NLRP1: variants seen among roughly 807,000 people sequenced by gnomAD.
NLRP1 encodes NLR family pyrin domain containing 1, also known as NACHT, LRR and PYD domains-containing protein 1.
A neutral mutation model predicts 136.7 loss-of-function variants in NLRP1; 94 were observed. The ratio of observed to expected loss-of-function variants is 0.69; its 90% CI spans 0.58 to 0.82. The LOEUF is 0.82. NLRP1 is among the 40% of genes least tolerant of loss of function. The pLI is 0.00. For synonymous variants in NLRP1, 690 were observed against 725.1 expected, an observed-to-expected ratio of 0.95 and a Z score of 0.78; for missense variants, 1,575 against 1,802.7, an observed-to-expected ratio of 0.87 and a Z score of 2.29.
Position 5,559,294 on chromosome 17 carries a change from G to T in NLRP1, c.1402C>A (p.Pro468Thr), listed in dbSNP as rs1189615339. 2 of 1,614,086 alleles carry T rather than the reference G, an allele frequency of 1.2e-6. No homozygotes were observed. Among genetic ancestry groups the T allele is most frequent in the Admixed American group, 1.7e-5 (1 of 60,012 alleles). Residue 468 changes from proline to threonine, a missense_variant, in exon 4 of 17, where the codon CCT becomes ACT. Pro to Thr is a conservative substitution (Grantham distance 38). Coordinates refer to ENST00000572272, the MANE Select transcript of NLRP1 (RefSeq NM_033004.4). ...ARTTALQNLI[P>T]SLEQARWVEV... Reference sequence around the variant, plus strand: ...ACCCAACGTGCCTGCTCCAAAGAAGGAATGAGGTTCTGCAGAGCTGTGGTC... The same window carrying T: ...ACCCAACGTGCCTGCTCCAAAGAAGTAATGAGGTTCTGCAGAGCTGTGGTC...
At chr17:5,546,622 A>G (rs1035089012) in intron 5 of NLRP1, among the ~76,000 whole-genome samples, 1 of 152,226 alleles carries the variant, frequency 6.6e-6, no homozygotes, top group African/African-American at 2.4e-5. Context: ...GCATTTCAAG[A>G]TAAATCCAAA....
At chr17:5,515,645 G>A (rs999995991) in intron 15 of NLRP1, 128 bp from the exon 16 acceptor site, 2 of 758,990 alleles carry the variant, frequency 2.6e-6, no homozygotes, top group Admixed American at 4.1e-5. Context: ...ACAAATTCTG[G>A]TAGAATCTGG....
chr17:5,511,819 CCTCT>C (rs1907656630), downstream of NLRP1, among the ~76,000 whole-genome samples: 1 of 149,418 alleles, frequency 6.7e-6, no homozygotes, highest in Non-Finnish European at 1.5e-5. Flanking sequence ...TTCCTTCCTT[CCTCT>C]TTTTCTTCAT....
chr17:5,542,100 T>C (rs1597432627), intron 5 of NLRP1, 73 bp from the exon 6 acceptor site: 2 of 1,457,368 alleles, frequency 1.4e-6, no homozygotes, highest in Non-Finnish European at 9.4e-7. Flanking sequence ...AAGCAACCAT[T>C]AATCACCTAC....
intron 15 of NLRP1, chr17:5,501,992 T>C: frequency 1.2e-6 from 1 of 865,278 alleles, no homozygotes. Flanking sequence ...GAGAACTCCC[T>C]GCCTCCTGCA....
At chr17:5,502,190 T>C in intron 15 of NLRP1, 1 of 285,016 alleles carries the variant, frequency 3.5e-6, no homozygotes, top group Non-Finnish European at 7.0e-6. Flanking sequence ...ACTCTGGTTC[T>C]CACAGCTTAA....
chr17:5,548,302 T>A (rs959437993), intron 5 of NLRP1, among the ~76,000 whole-genome samples: 4 of 152,188 alleles, frequency 2.6e-5, no homozygotes, highest in Non-Finnish European at 4.4e-5. Context: ...AAACCTATGT[T>A]CCTACCTCTC....
exon 16 of NLRP1, chr17:5,501,545 A>T (rs1907084540): frequency 2.7e-6 from 1 of 364,956 alleles, no homozygotes; most frequent in East Asian, 5.0e-5. Flanking sequence ...ACAGCTCAAG[A>T]ATTGGTGCAT....
intron 15 of NLRP1, among the ~76,000 whole-genome samples, chr17:5,508,718 G>T (rs138423187): frequency 3.2e-3 from 490 of 152,284 alleles, no homozygotes; most frequent in Non-Finnish European, 5.3e-3. Flanking sequence ...TAGCTTGAGG[G>T]ATGCTTGTGA....
rs991798520 is a variant in NLRP1, at chr17:5,514,166, A to G, written c.*588T>C. On this transcript the variant is annotated 3_prime_UTR_variant, in exon 17 of 17. Transcript: ENST00000572272. ...TTTATTTTCATTTTTTCTTTTTTGTATTTTTTTAATTCTTAAATTTAAGTA... is the reference window on the plus strand; with the variant it reads ...TTTATTTTCATTTTTTCTTTTTTGTGTTTTTTTAATTCTTAAATTTAAGTA... 1.3e-5 allele frequency: 2 copies of G among 153,244 alleles called. No homozygotes were observed. Among genetic ancestry groups the G allele is most frequent in the African/African-American group, 4.8e-5 (2 of 41,394 alleles). 9.5% of individuals were successfully genotyped at this position (153,244 alleles called of 1,614,324 possible).
Position 5,582,657 on chromosome 17 carries a change from C to T in NLRP1, c.448+13G>A. The T allele has an allele frequency of 6.2e-7, 1 of 1,613,568 alleles. No individual in the cohort carries two copies. Among genetic ancestry groups the T allele is most frequent in the Non-Finnish European group, 8.5e-7 (1 of 1,179,762 alleles). On this transcript the variant is annotated intron_variant, in intron 2 of 16. Transcript: ENST00000572272. ...TCCACCCAGGGCTGTCAGCCTGCCT[C>T]AGCAAGCCTCACCTCTCCAGCGGCG...
Position 5,556,843 on chromosome 17 carries a change from C to T in NLRP1, c.2357+1496G>A, listed in dbSNP as rs925357854. ...TTCACCATGTTGACCAGGCTGGTCT[C>T]GAACTCCTGACCTCAGGTGATCCAC... On this transcript the variant is annotated intron_variant, in intron 4 of 16. Transcript: ENST00000572272. Among the ~76,000 whole-genome samples, 4 of 151,972 alleles carry T rather than the reference C, an allele frequency of 2.6e-5. No individual in the cohort carries two copies. The East Asian group carries it at 5.8e-4, about 22-fold the overall frequency.
At chr17:5,501,933 C>G in intron 15 of NLRP1, 1 of 1,449,064 alleles carries the variant, frequency 6.9e-7, no homozygotes, top group Non-Finnish European at 9.7e-7. Context: ...TGGAGAGGTC[C>G]ACTGGCCGGC....
In NLRP1 at chr17:5,521,053, C is replaced by T. The variant is rs199627173; in HGVS notation, c.3784-41G>A. ...AACAATGATTAAGGGAGGCTTCTGCCCCGTGGAATGTGGTTTGAATAGGGG... is the reference window on the plus strand; with the variant it reads ...AACAATGATTAAGGGAGGCTTCTGCTCCGTGGAATGTGGTTTGAATAGGGG... On this transcript the variant is annotated intron_variant, in intron 13 of 16. Coordinates refer to ENST00000572272, the MANE Select transcript of NLRP1 (RefSeq NM_033004.4). The T allele has an allele frequency of 2.4e-5, 37 of 1,556,830 alleles. No individual in the cohort carries two copies. The African/African-American group carries it at 5.0e-4, about 21-fold the overall frequency.
chr17:5,535,684 T>C (rs1301140758), intron 8 of NLRP1, among the ~76,000 whole-genome samples: 1 of 152,200 alleles, frequency 6.6e-6, no homozygotes, highest in Non-Finnish European at 1.5e-5. Context: ...CGACACATAG[T>C]GGGTCTGCAG....
intron 15 of NLRP1, among the ~76,000 whole-genome samples, chr17:5,517,357 C>CG (rs1567630289): frequency 1.1e-5 from 1 of 89,456 alleles, no homozygotes; most frequent in African/African-American, 4.2e-5. Context: ...TGCACCCCCC[C>CG]CCCTCCCACA....
intron 3 of NLRP1, among the ~76,000 whole-genome samples, chr17:5,580,246 CAACAAAA>C (rs1253857844): frequency 4.0e-5 from 6 of 151,698 alleles, no homozygotes; most frequent in South Asian, 4.2e-4. Context: ...AAACAAAACA[CAACAAAA>C]AACAAAAAAC....
intron 3 of NLRP1, among the ~76,000 whole-genome samples, chr17:5,568,890 C>A (rs1915592860): frequency 6.6e-6 from 1 of 152,072 alleles, no homozygotes; most frequent in Non-Finnish European, 1.5e-5. Context: ...TTACTTTCTG[C>A]CAAACATACA....
In NLRP1 at chr17:5,507,694, C is replaced by T. The variant is rs61258800; in HGVS notation, c.4070-5822G>A. 7.0e-3 allele frequency among the ~76,000 whole-genome samples: 1,068 copies of T among 152,284 alleles called. 16 individuals carry two copies. Among genetic ancestry groups the T allele is most frequent in the African/African-American group, 0.024 (1,011 of 41,562 alleles). On this transcript the variant is annotated intron_variant, in intron 15 of 15. Coordinates refer to the NLRP1 transcript ENST00000262467. ...AAAAAATTATCCAGGCATGGTGGCA[C>T]GTGCCTGTAGTCCCAGTTACTGGAA...
Sources: allele counts gnomAD v4.1 joint callset (sites outside exome capture counted in the v4.1 genomes callset), GRCh38; gene constraint gnomAD v4.1.1; transcripts MANE v1.5; gene names NCBI Gene and HGNC (gene_info 2026-07-23, HGNC 2026-07-21).